The following HLA-F variants were observed in gnomAD, a reference collection of about 807,000 sequenced individuals.
HLA-F encodes the protein HLA class I histocompatibility antigen, alpha chain F.
HLA-F carries 46 observed loss-of-function variants against 49.5 expected under a neutral mutation model. The ratio of observed to expected loss-of-function variants is 0.93; its 90% CI spans 0.73 to 1.19. The LOEUF (loss-of-function observed/expected upper bound fraction) is 1.19, where lower values mean the gene tolerates loss of function less well. Among genes scored for constraint, HLA-F ranks in the 50% most tolerant of loss-of-function variants. The probability of loss-of-function intolerance (pLI) is 0.00; values close to 1 mark genes in which losing one functional copy is unlikely to be tolerated. For synonymous variants in HLA-F, 203 were observed against 233.5 expected, an observed-to-expected ratio of 0.87 and a Z score of 1.19; for missense variants, 496 against 579.6, an observed-to-expected ratio of 0.86 and a Z score of 1.48.
intron 6 of HLA-F, 159 bp downstream of exon 6, chr6:29,726,202 G>C: frequency 1.1e-6 from 1 of 939,786 alleles, no homozygotes; most frequent in Non-Finnish European, 1.8e-6. Flanking sequence ...CCAGGGCTCT[G>C]GGGTGTCTCT....
At chr6:29,736,770 T>C (rs2517944) in intron 3 of HLA-F, 66,121 of 166,992 alleles carry the variant, frequency 0.4, 13,284 homozygotes, top group Non-Finnish European at 0.44. Context: ...ATCACTCCCG[T>C]GGCAGTCAGG....
chr6:29,723,658 G>A lies in HLA-F; in HGVS notation c.65G>A (p.Gly22Asp). 1 of 1,607,658 alleles carries A rather than the reference G, an allele frequency of 6.2e-7. No homozygotes were observed. The highest frequency in any genetic ancestry group is 8.5e-7 in the Non-Finnish European group (1 of 1,177,164). Reference protein sequence around the residue: ...GALALTDTWAGSHSLRYFSTA... With the variant: ...GALALTDTWADSHSLRYFSTA... ...GGTCTCAGCCCCTCCTCGCCCCCAG[G>A]CTCCCACTCCTTGAGGTATTTCAGC... The change falls in exon 2 of 7, where the codon GGC becomes GAC. Residue 22 changes from glycine (G) to aspartate (D), a missense_variant and splice_region_variant. Coordinates refer to ENST00000259951, the MANE Select transcript of HLA-F (RefSeq NM_001098479.2).
chr6:29,723,936 AC>A lies in HLA-F; in HGVS notation c.334+12del. On this transcript the variant is annotated intron_variant, in intron 2 of 6. Coordinates refer to ENST00000259951, the MANE Select transcript of HLA-F (RefSeq NM_001098479.2). ...CAACCAGAGCGAGGCTGGTGAGTGAACCCGGCCGGGGGCGCAGGTCACGACC... is the reference window on the plus strand; with the variant it reads ...CAACCAGAGCGAGGCTGGTGAGTGAACCGGCCGGGGGCGCAGGTCACGACC... The A allele has an allele frequency of 1.9e-6, 3 of 1,583,980 alleles. No individual in the cohort carries two copies. Among genetic ancestry groups the A allele is most frequent in the Non-Finnish European group, 2.6e-6 (3 of 1,165,928 alleles).
downstream of HLA-F, among the ~76,000 whole-genome samples, chr6:29,732,006 C>T (rs555753747): frequency 2.0e-5 from 3 of 152,164 alleles, no homozygotes; most frequent in Admixed American, 6.5e-5. Flanking sequence ...ACTCTGTAGC[C>T]CGGTCTGGAG....
rs550151636 is a variant in HLA-F at position 29,726,105 on chromosome 6, G to A, written c.1036+62G>A. ...ATATTGTGGTCAGGAGCCTATGAGGGAGCTCACCCACCCCACAGTTCCTCT... is the reference window on the plus strand; with the variant it reads ...ATATTGTGGTCAGGAGCCTATGAGGAAGCTCACCCACCCCACAGTTCCTCT... On this transcript the variant is annotated intron_variant, in intron 6 of 6. Coordinates refer to ENST00000259951, the MANE Select transcript of HLA-F (RefSeq NM_001098479.2). The A allele has an allele frequency of 2.5e-5, 38 of 1,499,678 alleles. No individual in the cohort carries two copies. In the South Asian group the frequency reaches 3.9e-4, roughly 16 times the overall value. The allele number at this position is 1,499,678 out of a possible 1,614,324, so 92.9% of individuals were successfully genotyped here. A position where few individuals can be genotyped will look rare whatever the true frequency, so the allele number is the denominator to read the frequency against.
chr6:29,738,295 A>T (rs1777292685), intron 4 of HLA-F: 3 of 152,116 alleles, frequency 2.0e-5, no homozygotes, highest in African/African-American at 7.2e-5. Flanking sequence ...GGGTGGAGAG[A>T]TGTCATTGCT....
downstream of HLA-F, among the ~76,000 whole-genome samples, chr6:29,729,722 G>A (rs1468741566): frequency 6.6e-6 from 1 of 152,102 alleles, no homozygotes; most frequent in Non-Finnish European, 1.5e-5. Context: ...TGCACAGAAT[G>A]GGAGGAAATA....
At chr6:29,727,972 G>A (rs1192532107), downstream of HLA-F, 1 of 518,790 alleles carries the variant, frequency 1.9e-6, no homozygotes, top group Non-Finnish European at 3.8e-6. Context: ...GCTCCTGAGT[G>A]TCTCTACCTC....
chr6:29,724,273 C>A lies in HLA-F; in HGVS notation c.435C>A (p.Ile145=). 1 of 1,613,314 alleles carries A rather than the reference C, an allele frequency of 6.2e-7. No individual in the cohort carries two copies. Among genetic ancestry groups the A allele is most frequent in the African/African-American group, 1.3e-5 (1 of 75,064 alleles). Residue 145 remains isoleucine, a synonymous_variant, in exon 3 of 7, where the codon ATC becomes ATA. Coordinates refer to ENST00000259951, the MANE Select transcript of HLA-F (RefSeq NM_001098479.2). ...ACGCGTACGACGGCAAGGATTACAT[C>A]TCCCTGAACGAGGACCTGCGCTCCT... ...HQHAYDGKDY[I]SLNEDLRSWT...
downstream of HLA-F, among the ~76,000 whole-genome samples, chr6:29,731,239 A>G (rs12055666): frequency 0.01 from 787 of 76,338 alleles, 11 homozygotes; most frequent in African/African-American, 0.035. Flanking sequence ...ATACATAGAT[A>G]GATAGATAGA....
chr6:29,727,521 C>A (rs1776221043), downstream of HLA-F, among the ~76,000 whole-genome samples: 1 of 152,168 alleles, frequency 6.6e-6, no homozygotes, highest in Non-Finnish European at 1.5e-5. Flanking sequence ...CTGAATTTAT[C>A]ATATTATTTC....
chr6:29,731,457 A>AGT (rs1455219986), downstream of HLA-F, among the ~76,000 whole-genome samples: 199 of 149,986 alleles, frequency 1.3e-3, no homozygotes, highest in African/African-American at 4.7e-3. Context: ...CTGGTGCAAC[A>AGT]CTCAAGAGTC....
rs1170315581 is a variant in HLA-F, at chr6:29,725,729, G to C, written c.1003+166G>C. The stretch of plus-strand genomic sequence containing the variant: ...GCACCTACTCATTTGTAAAGCTCCT[G>C]TGAAAATGAAGGACAGATTCTTCAC... On this transcript the variant is annotated intron_variant, in intron 5 of 6. Coordinates refer to ENST00000259951, the MANE Select transcript of HLA-F (RefSeq NM_001098479.2). Among the ~76,000 whole-genome samples the C allele has an allele frequency of 3.3e-5, 5 of 152,196 alleles. No homozygotes were observed. In the East Asian group the frequency reaches 9.6e-4, roughly 29 times the overall value.
chr6:29,731,231 A>ATAGAT (rs1562301955), downstream of HLA-F, among the ~76,000 whole-genome samples: 4,262 of 38,090 alleles, frequency 0.11, 103 homozygotes, highest in Admixed American at 0.16. Flanking sequence ...GTAGATGGAT[A>ATAGAT]CATAGATAGA....
In HLA-F at chr6:29,725,522, G is replaced by T; in HGVS notation, c.962G>T (p.Gly321Val). 6.2e-7 allele frequency: 1 copy of T among 1,614,112 alleles called. No homozygotes were observed. Among genetic ancestry groups the T allele is most frequent in the Middle Eastern group, 1.6e-4 (1 of 6,062 alleles). The change falls in exon 5 of 7, where the codon GGA becomes GTA. Residue 321 changes from glycine to valine, a missense_variant. By Grantham distance (109) the Gly-to-Val change is moderately radical (BLOSUM62 -3). Transcript: ENST00000259951. ...GTTGTCCTTGGAGCTGTGGTCACTG[G>T]AGCTGTGGTCGCTGCTGTGATGTGG... ...GLVVLGAVVT[G>V]AVVAAVMWRK...
chr6:29,729,572 AG>A (rs1253845927), downstream of HLA-F, among the ~76,000 whole-genome samples: 7 of 152,272 alleles, frequency 4.6e-5, no homozygotes, highest in African/African-American at 1.7e-4. Flanking sequence ...AGAAAATCTT[AG>A]GAACATTGGA....
Position 29,725,512 on chromosome 6 carries a change from G to T in HLA-F, c.952G>T (p.Val318Leu), listed in dbSNP as rs1279142592. The part of the protein sequence containing the change: ...IVAGLVVLGA[V>L]VTGAVVAAVM... ...TGCTGGCCTTGTTGTCCTTGGAGCT[G>T]TGGTCACTGGAGCTGTGGTCGCTGC... Residue 318 changes from valine to leucine, a missense_variant, in exon 5 of 7, where the codon GTG becomes TTG. By Grantham distance (32) the Val-to-Leu change is conservative (BLOSUM62 1). Transcript: ENST00000259951. The T allele has an allele frequency of 1.9e-6, 3 of 1,614,080 alleles. No homozygotes were observed. The highest frequency in any genetic ancestry group is 4.5e-5 in the East Asian group (2 of 44,880).
Position 29,723,435 on chromosome 6 carries a change from T to A in HLA-F, c.-29T>A, listed in dbSNP as rs776068708. The stretch of plus-strand genomic sequence containing the variant: ...AGTCCCACGCACCCCGCGGGACTCA[T>A]ATTTTTCCCAGACGCGGAGGTTGGG... On this transcript the variant is annotated 5_prime_UTR_variant, in exon 1 of 7. Coordinates refer to ENST00000259951, the MANE Select transcript of HLA-F (RefSeq NM_001098479.2). 1 of 1,612,776 alleles carries A rather than the reference T, an allele frequency of 6.2e-7. No individual in the cohort carries two copies. The highest frequency in any genetic ancestry group is 8.5e-7 in the Non-Finnish European group (1 of 1,179,606).
chr6:29,724,234 C>G lies in HLA-F; in HGVS notation c.396C>G (p.Arg132=). The change falls in exon 3 of 7, where the codon CGC becomes CGG. Residue 132 remains arginine, a synonymous_variant. Transcript: ENST00000259951. The part of the protein sequence containing the change: ...CDMGPDGRLL[R]GYHQHAYDGK... ...TGGGGCCCGACGGACGCCTCCTCCGCGGGTATCACCAGCACGCGTACGACG... is the reference window on the plus strand; with the variant it reads ...TGGGGCCCGACGGACGCCTCCTCCGGGGGTATCACCAGCACGCGTACGACG... 1 of 1,613,210 alleles carries G rather than the reference C, an allele frequency of 6.2e-7. No individual in the cohort carries two copies. The highest frequency in any genetic ancestry group is 8.5e-7 in the Non-Finnish European group (1 of 1,180,042).
Sources: allele counts gnomAD v4.1 joint callset (sites outside exome capture counted in the v4.1 genomes callset), GRCh38; gene constraint gnomAD v4.1.1; transcripts MANE v1.5; gene names NCBI Gene and HGNC (gene_info 2026-07-23, HGNC 2026-07-21).